The following NLRP2 variants were observed in gnomAD, a reference collection of about 807,000 sequenced individuals.
The protein encoded by NLRP2 is NLR family pyrin domain containing 2, also known as NACHT, LRR and PYD domains-containing protein 2.
A neutral mutation model predicts 97.2 loss-of-function variants in NLRP2; 107 were observed. The ratio of observed to expected loss-of-function variants is 1.10; its 90% CI spans 0.94 to 1.29. The LOEUF (loss-of-function observed/expected upper bound fraction) is 1.29. Among genes scored for constraint, NLRP2 ranks in the 50% most tolerant of loss-of-function variants. The pLI, the probability that NLRP2 is intolerant of heterozygous loss-of-function variation, is 0.00. For synonymous variants in NLRP2, 663 were observed against 551.5 expected, an observed-to-expected ratio of 1.20 and a Z score of -2.83; for missense variants, 1,495 against 1,330.3, an observed-to-expected ratio of 1.12 and a Z score of -1.93.
chr19:54,994,534 A>G (rs970485436), intron 11 of NLRP2, 95 bp downstream of exon 11: 11 of 1,308,116 alleles, frequency 8.4e-6, no homozygotes, highest in South Asian at 1.2e-5. Context: ...CCCAAGTTAT[A>G]TAATTGAGAG....
intron 3 of NLRP2, among the ~76,000 whole-genome samples, chr19:54,975,107 T>TTTTG (rs2071125347): frequency 1.5e-4 from 1 of 6,504 alleles, no homozygotes; most frequent in Middle Eastern, 0.019. Context: ...CCCGGTTTTG[T>TTTTG]TTTTTTTTTT....
chr19:54,981,210 C>G (rs1396828098), intron 4 of NLRP2, among the ~76,000 whole-genome samples: 1 of 152,050 alleles, frequency 6.6e-6, no homozygotes, highest in African/African-American at 2.4e-5. Context: ...TGCTCTGTTG[C>G]CCAGGGTGGA....
chr19:54,970,893 C>T lies in NLRP2; in HGVS notation c.280+598C>T, dbSNP rs1296890497. Among the ~76,000 whole-genome samples the T allele has an allele frequency of 5.0e-5, 7 of 141,172 alleles. No homozygotes were observed. The East Asian group carries it at 1.5e-3, about 31-fold the overall frequency. 92.6% of individuals were successfully genotyped at this position (141,172 alleles called of 152,430 possible). On this transcript the variant is annotated intron_variant, in intron 2 of 12. Coordinates refer to ENST00000448584, the MANE Select transcript of NLRP2 (RefSeq NM_017852.5). ...TGTGCAGGTTAGTTACATATGTATA[C>T]ATGTGCCATGCTGGTGCGCTGCACC...
At chr19:54,980,027 A>G (rs58148542) in intron 4 of NLRP2, among the ~76,000 whole-genome samples, 6,058 of 150,578 alleles carry the variant, frequency 0.04, 396 homozygotes, top group African/African-American at 0.14. Context: ...CGTCCGCCTC[A>G]GCCTCCCAAA....
chr19:55,000,414 C>G (rs907626730), intron 12 of NLRP2, among the ~76,000 whole-genome samples: 3 of 147,714 alleles, frequency 2.0e-5, no homozygotes, highest in Non-Finnish European at 4.5e-5. Flanking sequence ...GTAGCTGGGA[C>G]TACAGGCGTC....
At chr19:54,983,854 G>GACTC in intron 6 of NLRP2, 126 bp downstream of exon 6, 2 of 1,320,668 alleles carry the variant, frequency 1.5e-6, no homozygotes, top group South Asian at 2.4e-5. Flanking sequence ...TGGACTCTTT[G>GACTC]TTTGTTTTTG....
At chr19:54,988,133 C>T (rs992685889) in intron 8 of NLRP2, among the ~76,000 whole-genome samples, 9 of 152,212 alleles carry the variant, frequency 5.9e-5, no homozygotes, top group African/African-American at 2.2e-4. Flanking sequence ...TGCTGTACAT[C>T]TTACAGGTAT....
chr19:54,992,717 C>A (rs1424668155), intron 10 of NLRP2, among the ~76,000 whole-genome samples: 3 of 151,828 alleles, frequency 2.0e-5, no homozygotes, highest in Admixed American at 2.0e-4. Context: ...TGCCACCACG[C>A]CCAGCTAACT....
Position 54,978,534 on chromosome 19 carries a change from C to A in NLRP2, c.397+711C>A, listed in dbSNP as rs539778234. Among the ~76,000 whole-genome samples the A allele has an allele frequency of 2.6e-4, 39 of 152,218 alleles. No individual in the cohort carries two copies. In the Middle Eastern group the frequency reaches 0.01, roughly 40 times the overall value. ...TGCTGGGATTACAGGCGAGAGCCACCGTACCCGGCCTTCTTTAAATTATTT... is the reference window on the plus strand; with the variant it reads ...TGCTGGGATTACAGGCGAGAGCCACAGTACCCGGCCTTCTTTAAATTATTT... On this transcript the variant is annotated intron_variant, in intron 4 of 12. Coordinates refer to ENST00000448584, the MANE Select transcript of NLRP2 (RefSeq NM_017852.5).
intron 10 of NLRP2, 184 bp downstream of exon 10, chr19:54,990,856 T>C (rs2072430321): frequency 3.0e-6 from 2 of 665,714 alleles, no homozygotes; most frequent in South Asian, 1.8e-5. Flanking sequence ...AGTAGAGTAG[T>C]AGTAATATTC....
chr19:54,983,698 C>T lies in NLRP2; in HGVS notation c.2000C>T (p.Thr667Ile). ...VIKENLPENV[T>I]ASESDAEVER... ...AAGGAGAATCTCCCGGAGAATGTCA[C>T]TGCGTCTGAATCAGACGCCGAGGTT... is the stretch of plus-strand genomic sequence containing the variant. Residue 667 changes from threonine (T) to isoleucine (I), a missense_variant, in exon 6 of 13, where the codon ACT becomes ATT. Coordinates refer to ENST00000448584, the MANE Select transcript of NLRP2 (RefSeq NM_017852.5). The T allele has an allele frequency of 6.2e-7, 1 of 1,612,970 alleles. No homozygotes were observed. The highest frequency in any genetic ancestry group is 8.5e-7 in the Non-Finnish European group (1 of 1,179,978).
chr19:54,990,613 A>G lies in NLRP2; in HGVS notation c.2649A>G (p.Thr883=), dbSNP rs1358561580. The change falls in exon 10 of 13, where the codon ACA becomes ACG. Residue 883 remains threonine, a synonymous_variant. Transcript: ENST00000448584. ...TGGCCAAGAACCCCATTGGGAATAC[A>G]GGGGTGAAGTTTCTGTGTGAGGGCT... ...LCLAKNPIGN[T]GVKFLCEGLR... is the part of the protein sequence containing the mutation. 1 of 1,614,160 alleles carries G rather than the reference A, an allele frequency of 6.2e-7. No homozygotes were observed. The highest frequency in any genetic ancestry group is 1.3e-5 in the African/African-American group (1 of 75,044).
intron 8 of NLRP2, among the ~76,000 whole-genome samples, chr19:54,988,745 C>T (rs1436052685): frequency 6.6e-6 from 1 of 152,206 alleles, no homozygotes; most frequent in Non-Finnish European, 1.5e-5. Flanking sequence ...GTCTTAAACT[C>T]CTGGCCTCAT....
chr19:54,975,079 G>A (rs1275064636), intron 3 of NLRP2, among the ~76,000 whole-genome samples: 1 of 142,138 alleles, frequency 7.0e-6, no homozygotes, highest in Non-Finnish European at 1.5e-5. Flanking sequence ...GGGATTATGG[G>A]CATGAGCCAC....
chr19:54,979,895 G>A (rs1423626525), intron 4 of NLRP2, among the ~76,000 whole-genome samples: 1 of 152,020 alleles, frequency 6.6e-6, no homozygotes, highest in Non-Finnish European at 1.5e-5. Context: ...TCCTGCCTCA[G>A]CCTCCCAAAT....
intron 12 of NLRP2, 127 bp from the exon 13 acceptor site, chr19:55,000,633 C>T (rs1415764951): frequency 2.2e-6 from 2 of 929,830 alleles, no homozygotes; most frequent in Non-Finnish European, 3.4e-6. Context: ...ACTCCTTTGC[C>T]ACCTAGAATA....
intron 1 of NLRP2, among the ~76,000 whole-genome samples, chr19:54,968,639 TA>T (rs1301490656): frequency 1.3e-5 from 2 of 150,464 alleles, no homozygotes; most frequent in Non-Finnish European, 3.0e-5. Context: ...CCAGCTTCAG[TA>T]AAGTAAAAGC....
intron 11 of NLRP2, among the ~76,000 whole-genome samples, chr19:54,996,047 A>AAAAAC (rs1568539805): frequency 3.4e-5 from 5 of 147,808 alleles, no homozygotes; most frequent in African/African-American, 1.3e-4. Context: ...CAAAAAAAAA[A>AAAAAC]AAAAAACAAA....
At chr19:54,996,037 C>CAAAAAAAAAA (rs544759995) in intron 11 of NLRP2, among the ~76,000 whole-genome samples, 12 of 73,350 alleles carry the variant, frequency 1.6e-4, no homozygotes, top group African/African-American at 6.6e-4. Flanking sequence ...GATCCTGTCT[C>CAAAAAAAAAA]AAAAAAAAAA....
Sources: allele counts gnomAD v4.1 joint callset (sites outside exome capture counted in the v4.1 genomes callset), GRCh38; gene constraint gnomAD v4.1.1; transcripts MANE v1.5; gene names NCBI Gene and HGNC (gene_info 2026-07-23, HGNC 2026-07-21).